Variants in DNM3 observed in about 807,000 individuals in gnomAD.
DNM3 encodes dynamin 3, also known as dynamin-3.
DNM3 carries 47 observed loss-of-function variants against 101.6 expected under a neutral mutation model. That is an observed-to-expected ratio of 0.46 (90% CI 0.37 to 0.59). The LOEUF is 0.59. Ranked by LOEUF, DNM3 falls within the 20% of genes least tolerant of loss-of-function variation. The pLI is 0.00. For missense variants in DNM3, 849 were observed against 1,085.7 expected, an observed-to-expected ratio of 0.78 and a Z score of 3.06; for synonymous variants, 385 against 387.9, an observed-to-expected ratio of 0.99 and a Z score of 0.09.
chr1:172,261,162 T>A (rs2062628915), intron 15 of DNM3, among the ~76,000 whole-genome samples: 1 of 152,188 alleles, frequency 6.6e-6, no homozygotes, highest in Admixed American at 6.6e-5. Context: ...TTGTGTTCCT[T>A]TCAAGGTGTC....
chr1:172,164,208 T>C (rs2058662731), intron 14 of DNM3, among the ~76,000 whole-genome samples: 1 of 149,674 alleles, frequency 6.7e-6, no homozygotes, highest in African/African-American at 2.5e-5. Context: ...TTTTTCCTTT[T>C]CTCTCTCTAT....
intron 18 of DNM3, chr1:172,380,628 TA>T (rs1249550244): frequency 1.3e-5 from 2 of 152,028 alleles, no homozygotes; most frequent in Non-Finnish European, 2.9e-5. Flanking sequence ...CAGTTTCTTC[TA>T]AAACTACAGT....
chr1:172,214,274 C>G (rs1427640630), intron 14 of DNM3, among the ~76,000 whole-genome samples: 2 of 152,032 alleles, frequency 1.3e-5, no homozygotes, highest in Admixed American at 1.3e-4. Context: ...TATTGTCCTA[C>G]TTGTTTAACT....
chr1:172,210,769 CATAT>C (rs1430209176), intron 14 of DNM3, among the ~76,000 whole-genome samples: 3 of 151,996 alleles, frequency 2.0e-5, no homozygotes, highest in African/African-American at 7.2e-5. Flanking sequence ...AAGCAGATAA[CATAT>C]GTCTGTGGAA....
At chr1:172,242,367 G>A (rs1309895797) in intron 14 of DNM3, among the ~76,000 whole-genome samples, 2 of 152,112 alleles carry the variant, frequency 1.3e-5, no homozygotes, top group East Asian at 1.9e-4. Flanking sequence ...TAGGAAAAAA[G>A]CCTCTTGTCT....
chr1:172,269,535 C>G (rs1209593193), intron 15 of DNM3, among the ~76,000 whole-genome samples: 1 of 152,108 alleles, frequency 6.6e-6, no homozygotes, highest in Admixed American at 6.6e-5. Flanking sequence ...ACTGATAGAT[C>G]ACTATTCTAC....
chr1:172,112,521 C>G (rs1186500063), intron 13 of DNM3, among the ~76,000 whole-genome samples: 1 of 152,206 alleles, frequency 6.6e-6, no homozygotes, highest in South Asian at 2.1e-4. Flanking sequence ...ATTCTTTCAT[C>G]ACAGTGACCC....
intron 2 of DNM3, among the ~76,000 whole-genome samples, chr1:171,948,639 C>G (rs1466729640): frequency 1.3e-5 from 2 of 152,150 alleles, no homozygotes; most frequent in Non-Finnish European, 2.9e-5. Flanking sequence ...AGGAAAACAA[C>G]TACTATGTGT....
At chr1:172,120,611 T>A (rs140017203) in intron 13 of DNM3, among the ~76,000 whole-genome samples, 1 of 152,322 alleles carries the variant, frequency 6.6e-6, no homozygotes, top group Non-Finnish European at 1.5e-5. Context: ...GTGGCCACAC[T>A]GAGTTTGCCT....
intron 1 of DNM3, among the ~76,000 whole-genome samples, chr1:171,862,834 C>T (rs1357146130): frequency 6.6e-6 from 1 of 151,956 alleles, no homozygotes; most frequent in Non-Finnish European, 1.5e-5. Flanking sequence ...AAGGGCCCTG[C>T]AAGGAAGCCC....
intron 14 of DNM3, among the ~76,000 whole-genome samples, chr1:172,167,809 A>G (rs574774184): frequency 6.6e-6 from 1 of 152,144 alleles, no homozygotes; most frequent in African/African-American, 2.4e-5. Flanking sequence ...GAAAATTTAA[A>G]TGCAGTCACA....
At position 172,411,206 on chromosome 1, in the gene DNM3, G is replaced by T. The variant is rs1474003636; in HGVS notation, c.*3365G>T. On this transcript the variant is annotated 3_prime_UTR_variant, in exon 21 of 21. Coordinates refer to ENST00000627582, the MANE Select transcript of DNM3 (RefSeq NM_015569.5). ...TACAACAGATAGCTTTGAATGATCT[G>T]CCATAACATGTGGTAACAATAGTTC... is the stretch of plus-strand genomic sequence containing the variant. 1 of 985,016 alleles carries T rather than the reference G, an allele frequency of 1.0e-6. No individual in the cohort carries two copies. The highest frequency in any genetic ancestry group is 1.2e-6 in the Non-Finnish European group (1 of 829,760). 61.0% of individuals were successfully genotyped at this position (985,016 alleles called of 1,614,324 possible). A position where few individuals can be genotyped will look rare whatever the true frequency, so the allele number is the denominator to read the frequency against.
At chr1:172,360,466 T>C (rs1014442755) in intron 17 of DNM3, among the ~76,000 whole-genome samples, 1 of 150,732 alleles carries the variant, frequency 6.6e-6, no homozygotes, top group Non-Finnish European at 1.5e-5. Context: ...TTCTCTTGTA[T>C]ACCCTGAGAC....
chr1:172,238,239 G>A (rs1254952700), intron 14 of DNM3, among the ~76,000 whole-genome samples: 2 of 152,120 alleles, frequency 1.3e-5, no homozygotes, highest in Non-Finnish European at 2.9e-5. Flanking sequence ...CTGGGGGTCA[G>A]AGGACTACAG....
chr1:172,082,805 A>C (rs1283989627), intron 12 of DNM3, among the ~76,000 whole-genome samples: 1 of 152,252 alleles, frequency 6.6e-6, no homozygotes, highest in African/African-American at 2.4e-5. Context: ...AGGAATTTAC[A>C]GGCATGTTTT....
At chr1:172,073,294 T>C (rs913306294) in intron 11 of DNM3, among the ~76,000 whole-genome samples, 4 of 76,774 alleles carry the variant, frequency 5.2e-5, no homozygotes, top group Non-Finnish European at 1.2e-4. Flanking sequence ...TATATACACA[T>C]ATAAGTATAT....
chr1:171,962,499 G>A (rs1438898286), intron 2 of DNM3, among the ~76,000 whole-genome samples: 1 of 152,114 alleles, frequency 6.6e-6, no homozygotes, highest in Non-Finnish European at 1.5e-5. Flanking sequence ...CACAGACTGG[G>A]TAGCTTAAAC....
intron 1 of DNM3, among the ~76,000 whole-genome samples, chr1:171,859,708 A>G (rs2033976811): frequency 6.6e-6 from 1 of 152,176 alleles, no homozygotes; most frequent in Non-Finnish European, 1.5e-5. Context: ...ATGTATAATT[A>G]TAAATCAGTA....
intron 7 of DNM3, among the ~76,000 whole-genome samples, chr1:172,040,935 G>A (rs1224422972): frequency 6.6e-6 from 1 of 152,118 alleles, no homozygotes; most frequent in Admixed American, 6.6e-5. Flanking sequence ...TGGATGAGTG[G>A]TAAGAGATGG....
Sources: gnomAD v4.1 joint callset for allele counts (sites outside exome capture counted in the v4.1 genomes callset) on GRCh38, gnomAD v4.1.1 for gene constraint, MANE v1.5 for transcripts, NCBI Gene and HGNC (gene_info 2026-07-23, HGNC 2026-07-21) for gene names.